SLC23A1: variants seen among roughly 807,000 people sequenced by gnomAD.
SLC23A1 encodes the protein solute carrier family 23 member 1.
SLC23A1 carries 31 observed loss-of-function variants against 62.5 expected under a neutral mutation model. That is an observed-to-expected ratio of 0.50 (90% CI 0.37 to 0.67). SLC23A1 has a LOEUF of 0.67. SLC23A1 is among the 30% of genes least tolerant of loss of function. SLC23A1 has a pLI of 0.00. For synonymous variants in SLC23A1, 271 were observed against 313.2 expected, an observed-to-expected ratio of 0.87 and a Z score of 1.42; for missense variants, 640 against 782.7, an observed-to-expected ratio of 0.82 and a Z score of 2.18.
chr5:139,382,538 A>G lies in SLC23A1; in HGVS notation c.104T>C (p.Ile35Thr). ...TEPKFDMLYK[I>T]EDVPPWYLCI... ...CAGGTACCAAGGTGGCACGTCCTCGATCTTGTACAACATGTCAAACTTAGG... is the reference window on the plus strand; with the variant it reads ...CAGGTACCAAGGTGGCACGTCCTCGGTCTTGTACAACATGTCAAACTTAGG... Residue 35 changes from isoleucine to threonine, a missense_variant, in exon 2 of 15, where the codon ATC becomes ACC. By Grantham distance (89) the Ile-to-Thr change is moderately conservative. Transcript: ENST00000348729. The G allele has an allele frequency of 6.2e-7, 1 of 1,613,576 alleles. No homozygotes were observed. Among genetic ancestry groups the G allele is most frequent in the Non-Finnish European group, 8.5e-7 (1 of 1,179,760 alleles).
intron 14 of SLC23A1, among the ~76,000 whole-genome samples, chr5:139,370,954 C>T (rs763607117): frequency 3.3e-5 from 5 of 151,836 alleles, no homozygotes; most frequent in African/African-American, 9.7e-5. Context: ...TGGTGGTAGA[C>T]GCCTGTAATC....
chr5:139,379,371 A>G lies in SLC23A1; in HGVS notation c.926-17T>C. ...CCCACTGACCTGTGCTCGGAGGGAGACAGGATGGTGGCTACAGTGAGGAGA... is the reference window on the plus strand; with the variant it reads ...CCCACTGACCTGTGCTCGGAGGGAGGCAGGATGGTGGCTACAGTGAGGAGA... On this transcript the variant is annotated splice_polypyrimidine_tract_variant and intron_variant, in intron 8 of 14. Transcript: ENST00000348729. This position sits in a 1 kb window ranked among gnomAD's most constrained non-coding sequence, Gnocchi z 4.7. 1 of 1,613,472 alleles carries G rather than the reference A, an allele frequency of 6.2e-7. No individual in the cohort carries two copies. Among genetic ancestry groups the G allele is most frequent in the Non-Finnish European group, 8.5e-7 (1 of 1,179,424 alleles).
chr5:139,380,450 G>T (rs1758192254), intron 5 of SLC23A1, 61 bp from the exon 6 acceptor site: 2 of 1,603,976 alleles, frequency 1.2e-6, no homozygotes, highest in South Asian at 2.2e-5. Flanking sequence ...GCTGCTGCTA[G>T]CAGGAACAAA....
intron 12 of SLC23A1, 91 bp downstream of exon 12, chr5:139,377,884 G>T: frequency 7.6e-7 from 1 of 1,307,876 alleles, no homozygotes; most frequent in South Asian, 1.4e-5. Context: ...ACGATTTGTG[G>T]CTGTAGCTGT....
intron 13 of SLC23A1, among the ~76,000 whole-genome samples, chr5:139,372,951 G>A (rs745833510): frequency 1.3e-5 from 2 of 152,154 alleles, no homozygotes; most frequent in Non-Finnish European, 2.9e-5. Flanking sequence ...CTGTGAGTAT[G>A]TGGTAATGTG....
chr5:139,372,619 C>T (rs1248747739), intron 13 of SLC23A1, among the ~76,000 whole-genome samples: 1 of 152,110 alleles, frequency 6.6e-6, no homozygotes, highest in Non-Finnish European at 1.5e-5. Context: ...CAGTCTCGCT[C>T]TGTTGCCCAG....
Position 139,378,454 on chromosome 5 carries a change from G to A in SLC23A1, c.1180-103C>T. 6.8e-7 allele frequency: 1 copy of A among 1,465,728 alleles called. No homozygotes were observed. Among genetic ancestry groups the A allele is most frequent in the Non-Finnish European group, 9.3e-7 (1 of 1,078,310 alleles). The allele number at this position is 1,465,728 out of a possible 1,614,324, so 90.8% of individuals were successfully genotyped here. On this transcript the variant is annotated intron_variant, in intron 10 of 14. Coordinates refer to ENST00000348729, the MANE Select transcript of SLC23A1 (RefSeq NM_005847.5). This position sits in a 1 kb window ranked among gnomAD's most constrained non-coding sequence, Gnocchi z 4.5. ...TAAGAGCGAGGCATAAACCGGCTGG[G>A]GCTTGATGCGGGGGCGAGGCCTCTC...
At chr5:139,384,259 T>C, upstream of SLC23A1, 1 of 978,296 alleles carries the variant, frequency 1.0e-6, no homozygotes, top group Admixed American at 3.7e-5. Flanking sequence ...GGAGGGGCCC[T>C]AAGAACTCAG....
In SLC23A1 at chr5:139,378,149, C is replaced by G; in HGVS notation, c.1310-31G>C. 6.2e-7 allele frequency: 1 copy of G among 1,613,822 alleles called. No homozygotes were observed. The highest frequency in any genetic ancestry group is 1.1e-5 in the South Asian group (1 of 91,048). ...GGCGCAAGAGAACGGCTGGAGGCGC[C>G]GCACACGCGTAATCCAGGTGAGTCC... On this transcript the variant is annotated intron_variant, in intron 11 of 14. Transcript: ENST00000348729. This position sits in a 1 kb window ranked among gnomAD's most constrained non-coding sequence, Gnocchi z 4.5.
chr5:139,369,574 A>G (rs1310122167), intron 14 of SLC23A1: 1 of 152,658 alleles, frequency 6.6e-6, no homozygotes, highest in African/African-American at 2.4e-5. Flanking sequence ...ACAAAGCTAG[A>G]ACAGTTTTGG....
intron 13 of SLC23A1, among the ~76,000 whole-genome samples, chr5:139,373,082 A>T (rs1457823600): frequency 6.6e-6 from 1 of 152,194 alleles, no homozygotes; most frequent in East Asian, 1.9e-4. Flanking sequence ...TGAAAAACTC[A>T]TTTTTATAAT....
chr5:139,371,132 G>T (rs1471241416), intron 14 of SLC23A1, among the ~76,000 whole-genome samples: 1 of 152,156 alleles, frequency 6.6e-6, no homozygotes, highest in Non-Finnish European at 1.5e-5. Flanking sequence ...TGTGAATCCT[G>T]TGATCATGGG....
At chr5:139,381,328 G>A (rs891050478) in intron 3 of SLC23A1, among the ~76,000 whole-genome samples, 8 of 152,248 alleles carry the variant, frequency 5.3e-5, no homozygotes, top group African/African-American at 1.7e-4. Flanking sequence ...GCTCAGGGCT[G>A]CCATCTGGGC....
intron 14 of SLC23A1, among the ~76,000 whole-genome samples, chr5:139,371,229 T>C (rs1388902526): frequency 1.3e-5 from 2 of 152,208 alleles, no homozygotes; most frequent in African/African-American, 2.4e-5. Context: ...GTAGTTAATA[T>C]ATATAAGTAC....
In SLC23A1 at chr5:139,378,532, C is replaced by A. The variant is rs1758066114; in HGVS notation, c.1179+47G>T. On this transcript the variant is annotated intron_variant, in intron 10 of 14. Coordinates refer to ENST00000348729, the MANE Select transcript of SLC23A1 (RefSeq NM_005847.5). This position sits in a 1 kb window ranked among gnomAD's most constrained non-coding sequence, Gnocchi z 4.5. The stretch of plus-strand genomic sequence containing the variant: ...GGGGACCGAGTTGGGGCGGGGCCTG[C>A]GGCCCACGGAATTAGGGCAGGATTT... The A allele has an allele frequency of 1.4e-6, 2 of 1,450,830 alleles. No individual in the cohort carries two copies. Among genetic ancestry groups the A allele is most frequent in the Non-Finnish European group, 9.4e-7 (1 of 1,067,610 alleles). The allele number at this position is 1,450,830 out of a possible 1,614,324, so 89.9% of individuals were successfully genotyped here.
Position 139,378,019 on chromosome 5 carries a change from G to A in SLC23A1, c.1409C>T (p.Thr470Met), listed in dbSNP as rs116659253. The change falls in exon 12 of 15, where the codon ACG becomes ATG. Residue 470 changes from threonine to methionine, a missense_variant. Thr to Met is a moderately conservative substitution (Grantham distance 81). Coordinates refer to ENST00000348729, the MANE Select transcript of SLC23A1 (RefSeq NM_005847.5). The surrounding 1 kb of genome is among the most constrained non-coding windows in gnomAD (Gnocchi z 4.5). ...GTTGGACTCCAGGTAATTGGGCAGCGTGAGCCCGAAGAACATGGAAAATCC... is the reference window on the plus strand; with the variant it reads ...GTTGGACTCCAGGTAATTGGGCAGCATGAGCCCGAAGAACATGGAAAATCC... ...VLGFSMFFGL[T>M]LPNYLESNPG... 52 of 1,613,996 alleles carry A rather than the reference G, an allele frequency of 3.2e-5. 1 individual carries two copies. In the East Asian group the frequency reaches 1.0e-3, roughly 31 times the overall value.
chr5:139,382,134 C>A, intron 2 of SLC23A1, 85 bp from the exon 3 acceptor site: 2 of 1,372,408 alleles, frequency 1.5e-6, no homozygotes, highest in Non-Finnish European at 2.0e-6. Context: ...TCATGCCTGC[C>A]TCAGCGGGCC....
At chr5:139,373,221 A>G (rs1384505351) in intron 13 of SLC23A1, among the ~76,000 whole-genome samples, 1 of 151,966 alleles carries the variant, frequency 6.6e-6, no homozygotes, top group Admixed American at 6.6e-5. Context: ...TCTGTTGCCC[A>G]GGATGGAGTA....
chr5:139,377,695 C>T (rs756827147), intron 12 of SLC23A1, among the ~76,000 whole-genome samples, 198 bp from the exon 13 acceptor site: 7 of 152,230 alleles, frequency 4.6e-5, no homozygotes, highest in Non-Finnish European at 8.8e-5. Flanking sequence ...CACTGAGCCT[C>T]ATCTTCCTCA....
Sources: allele counts gnomAD v4.1 joint callset (sites outside exome capture counted in the v4.1 genomes callset), GRCh38; gene constraint gnomAD v4.1.1; non-coding constraint Gnocchi (gnomAD v3.1); transcripts MANE v1.5; gene names NCBI Gene and HGNC (gene_info 2026-07-23, HGNC 2026-07-21).